The following WNK2 variants were observed in gnomAD, a reference collection of about 807,000 sequenced individuals.
WNK2 encodes WNK lysine deficient protein kinase 2, also known as serine/threonine-protein kinase WNK2.
A neutral mutation model predicts 192.1 loss-of-function variants in WNK2; 67 were observed. The observed-to-expected ratio is 0.35, with a 90% CI of 0.29 to 0.43. The LOEUF is 0.43. WNK2 is among the 20% of genes least tolerant of loss of function. The probability of loss-of-function intolerance (pLI) is 1.00; values close to 1 mark genes in which losing one functional copy is unlikely to be tolerated. For synonymous variants in WNK2, 1,439 were observed against 1,393.9 expected (o/e 1.03, Z -0.72); for missense variants, 2,698 against 3,089.7 (o/e 0.87, Z 3.01).
intron 2 of WNK2, among the ~76,000 whole-genome samples, chr9:93,198,808 G>C (rs146122805): frequency 3.0e-4 from 46 of 152,300 alleles, no homozygotes; most frequent in African/African-American, 1.1e-3. Context: ...GCCCAGCTCT[G>C]GCCCTGCTGC....
intron 7 of WNK2, among the ~76,000 whole-genome samples, chr9:93,244,309 G>A (rs1031274225): frequency 2.0e-5 from 3 of 152,222 alleles, no homozygotes; most frequent in African/African-American, 7.2e-5. Flanking sequence ...GAAATAGCGG[G>A]CTCTGTGGGG....
At chr9:93,192,265 A>G (rs975824623) in intron 2 of WNK2, among the ~76,000 whole-genome samples, 2 of 152,008 alleles carry the variant, frequency 1.3e-5, no homozygotes, top group African/African-American at 4.8e-5. Flanking sequence ...GTGAGCCGAG[A>G]TCGCACCACT....
Position 93,256,316 on chromosome 9 carries a change from C to A in WNK2, c.2052C>A (p.Gly684=). The A allele has an allele frequency of 6.3e-7, 1 of 1,574,812 alleles. No individual in the cohort carries two copies. The highest frequency in any genetic ancestry group is 1.3e-5 in the African/African-American group (1 of 74,252). The change falls in exon 10 of 30, where the codon GGC becomes GGA. Residue 684 remains glycine (G), a synonymous_variant. Coordinates refer to ENST00000427277, the MANE Select transcript of WNK2 (RefSeq NM_006648.4). ...QPTAAPGLPV[G]SVPAPACPPS... ...CTCTGCAGCCTGGCTTGCCGGTGGG[C>A]TCTGTCCCGGCCCCCGCCTGCCCTC...
chr9:93,318,281 T>C (rs1855089622), intron 29 of WNK2: 5 of 1,510,730 alleles, frequency 3.3e-6, no homozygotes, highest in African/African-American at 1.4e-5. Context: ...GTTCAATCTT[T>C]GGTTTTCTGT....
chr9:93,318,448 G>A (rs1215267701), intron 29 of WNK2: 1 of 1,614,144 alleles, frequency 6.2e-7, no homozygotes, highest in Admixed American at 1.7e-5. Context: ...CACACTGGCG[G>A]AGCTGCTTGC....
chr9:93,205,705 T>G (rs1160817886), intron 2 of WNK2, among the ~76,000 whole-genome samples: 1 of 152,248 alleles, frequency 6.6e-6, no homozygotes, highest in East Asian at 1.9e-4. Flanking sequence ...TGACTTTTAC[T>G]CTTTGAGTGA....
At position 93,243,256 on chromosome 9, in the gene WNK2, C is replaced by T. The variant is rs532169961; in HGVS notation, c.1542+3280C>T. ...AAGTTGGAGGAGCCTCCCAAGACTG[C>T]GACTCCTCCCTGCTTTTCATCCACA... is the stretch of plus-strand genomic sequence containing the variant. On this transcript the variant is annotated intron_variant, in intron 7 of 29. Coordinates refer to ENST00000427277, the MANE Select transcript of WNK2 (RefSeq NM_006648.4). 1.1e-4 allele frequency among the ~76,000 whole-genome samples: 17 copies of T among 152,322 alleles called. No homozygotes were observed. In the South Asian group the frequency reaches 3.1e-3, roughly 28 times the overall value.
chr9:93,311,765 G>A (rs944439778), intron 28 of WNK2, among the ~76,000 whole-genome samples: 7 of 152,012 alleles, frequency 4.6e-5, no homozygotes, highest in African/African-American at 1.5e-4. Context: ...GATTACAGGC[G>A]TCTGCCACCA....
chr9:93,298,458 C>A (rs2134038638), intron 24 of WNK2, among the ~76,000 whole-genome samples: 1 of 152,310 alleles, frequency 6.6e-6, no homozygotes, highest in East Asian at 1.9e-4. Flanking sequence ...TCGTTAGGGG[C>A]TGGGGGAGGA....
chr9:93,296,844 TCCATC>T (rs1850608089), intron 23 of WNK2, among the ~76,000 whole-genome samples: 1 of 71,458 alleles, frequency 1.4e-5, no homozygotes, highest in African/African-American at 6.8e-5. Context: ...TTCCTCCCCC[TCCATC>T]CTTCCTTCAC....
intron 12 of WNK2, 36 bp from the exon 13 acceptor site, chr9:93,261,778 C>T (rs570504229): frequency 7.1e-6 from 11 of 1,558,450 alleles, no homozygotes; most frequent in Admixed American, 5.1e-5. Flanking sequence ...AAGGCAGCGC[C>T]GGCCCTGACT....
Position 93,293,090 on chromosome 9 carries a change from C to T in WNK2, c.5625C>T (p.Ser1875=). Residue 1875 remains serine (S), a synonymous_variant, in exon 23 of 30, where the codon TCC becomes TCT. Transcript: ENST00000427277. Reference sequence around the variant, plus strand: ...CGATCAGCGTGACCTCCTTCCATTCCCAGTCGTCCTACATCAGCAGCGACA... The same window carrying T: ...CGATCAGCGTGACCTCCTTCCATTCTCAGTCGTCCTACATCAGCAGCGACA... ...VPTISVTSFH[S]QSSYISSDND... is the part of the protein sequence containing the mutation. The T allele has an allele frequency of 1.9e-6, 3 of 1,607,448 alleles. No homozygotes were observed. The highest frequency in any genetic ancestry group is 2.5e-6 in the Non-Finnish European group (3 of 1,177,332).
At chr9:93,184,863 C>A in intron 1 of WNK2, 65 bp from the exon 2 acceptor site, 1 of 1,191,958 alleles carries the variant, frequency 8.4e-7, no homozygotes, top group Non-Finnish European at 1.0e-6. Flanking sequence ...GTTGTCTCAT[C>A]CGGCGGCCTG....
chr9:93,241,519 C>A (rs979740435), intron 7 of WNK2, among the ~76,000 whole-genome samples: 2 of 152,190 alleles, frequency 1.3e-5, no homozygotes, highest in Non-Finnish European at 2.9e-5. Context: ...GCTGATGATT[C>A]TTCCCAAGCT....
chr9:93,320,261 G>A (rs531033728), intron 29 of WNK2, 106 bp from the exon 30 acceptor site: 13 of 1,268,404 alleles, frequency 1.0e-5, no homozygotes, highest in South Asian at 4.8e-5. Flanking sequence ...CAGAGCTGGC[G>A]CAGCCTTCCC....
At chr9:93,207,259 A>G (rs2131395967) in intron 2 of WNK2, among the ~76,000 whole-genome samples, 1 of 152,314 alleles carries the variant, frequency 6.6e-6, no homozygotes, top group East Asian at 1.9e-4. Flanking sequence ...TCTCCCATAT[A>G]TCCTTTACCT....
chr9:93,296,858 A>C (rs1588524502), intron 23 of WNK2, among the ~76,000 whole-genome samples: 14 of 56,912 alleles, frequency 2.5e-4, no homozygotes, highest in South Asian at 5.9e-4. Flanking sequence ...TCCTTCCTTC[A>C]CCTTCCTCCC....
chr9:93,204,702 G>C (rs945197649), intron 2 of WNK2, among the ~76,000 whole-genome samples: 2 of 152,226 alleles, frequency 1.3e-5, no homozygotes, highest in Non-Finnish European at 2.9e-5. Context: ...GACATTCACT[G>C]TCCTGCCTGG....
At chr9:93,267,669 A>T (rs1845385284) in intron 16 of WNK2, 77 bp from the exon 17 acceptor site, 1 of 1,451,480 alleles carries the variant, frequency 6.9e-7, no homozygotes, top group Admixed American at 2.2e-5. Flanking sequence ...CAGGGTAGAC[A>T]TCCGTCAATC....
Sources: gnomAD v4.1 joint callset for allele counts (sites outside exome capture counted in the v4.1 genomes callset) on GRCh38, gnomAD v4.1.1 for gene constraint, MANE v1.5 for transcripts, NCBI Gene and HGNC (gene_info 2026-07-23, HGNC 2026-07-21) for gene names.